The following IRGC variants were observed in gnomAD, a reference collection of about 807,000 sequenced individuals.
IRGC encodes immunity related GTPase cinema.
IRGC carries 4 observed loss-of-function variants against 16.1 expected under a neutral mutation model. The ratio of observed to expected loss-of-function variants is 0.25; its 90% CI spans 0.12 to 0.57. The LOEUF (loss-of-function observed/expected upper bound fraction) is 0.57. Ranked by LOEUF, IRGC falls within the 20% of genes least tolerant of loss-of-function variation. IRGC has a pLI of 0.92. For missense variants in IRGC, 570 were observed against 643.9 expected, an observed-to-expected ratio of 0.89 and a Z score of 1.24; for synonymous variants, 307 against 299.5, an observed-to-expected ratio of 1.03 and a Z score of -0.26.
rs1968246254 is a variant in IRGC at position 43,719,858 on chromosome 19, G to A, written c.1300G>A (p.Glu434Lys). The A allele has an allele frequency of 6.2e-7, 1 of 1,613,962 alleles. No individual in the cohort carries two copies. The change falls in exon 2 of 2, where the codon GAG (glutamate) becomes AAG (lysine). Residue 434 changes from glutamate to lysine, a missense_variant. Transcript: ENST00000244314. The part of the protein sequence containing the change: ...EKGGSGEGGG[E>K]EAPLSTCRKL... Reference sequence around the variant, plus strand: ...GGGGGGCTCCGGGGAGGGAGGTGGGGAGGAAGCCCCACTCTCAACCTGCAG... The same window carrying A: ...GGGGGGCTCCGGGGAGGGAGGTGGGAAGGAAGCCCCACTCTCAACCTGCAG...
At position 43,719,425 on chromosome 19, in the gene IRGC, CG is replaced by C; in HGVS notation, c.868del (p.Asp290MetfsTer190). On this transcript the variant is annotated frameshift_variant, in exon 2 of 2. Transcript: ENST00000244314. LOFTEE classifies it high-confidence loss of function. The stretch of plus-strand genomic sequence containing the variant: ...CGGTCCCAGGGCTGGCGGCCGCCTA[CG>C]ATGATGCGTTGCTCATCCACTCACT... Reference protein sequence around the residue: ...LPVPGLAAAYDDALLIHSLRG... With the variant: ...LPVPGLAAAYXDALLIHSLRG... The C allele has an allele frequency of 6.2e-7, 1 of 1,605,090 alleles. No homozygotes were observed. The highest frequency in any genetic ancestry group is 8.5e-7 in the Non-Finnish European group (1 of 1,174,938).
Position 43,719,956 on chromosome 19 carries a change from G to T in IRGC, c.*6G>T, listed in dbSNP as rs779620589. ...ACGACTCAGAAGAGAAATAAAGAGTGCAGCCCCGCCCCCCTGCCTCACCCA... is the reference window on the plus strand; with the variant it reads ...ACGACTCAGAAGAGAAATAAAGAGTTCAGCCCCGCCCCCCTGCCTCACCCA... On this transcript the variant is annotated 3_prime_UTR_variant, in exon 2 of 2. Transcript: ENST00000244314. The T allele has an allele frequency of 2.5e-6, 4 of 1,612,200 alleles. No individual in the cohort carries two copies. Among genetic ancestry groups the T allele is most frequent in the Non-Finnish European group, 3.4e-6 (4 of 1,179,970 alleles).
rs757734328 is a variant in IRGC at position 43,718,960 on chromosome 19, T to C, written c.402T>C (p.Tyr134=). 1.1e-5 allele frequency: 17 copies of C among 1,611,034 alleles called. No individual in the cohort carries two copies. The African/African-American group carries it at 1.9e-4, about 18-fold the overall frequency. The change falls in exon 2 of 2, where the codon TAT becomes TAC. Residue 134 remains tyrosine, a synonymous_variant. Transcript: ENST00000244314. The part of the protein sequence containing the change: ...KYLKQVDFSR[Y]DFFLLVSPRR... ...TAAAGCAGGTAGACTTCAGCCGCTA[T>C]GACTTCTTCCTGCTGGTCTCCCCCC...
In IRGC at chr19:43,718,777, C is replaced by A. The variant is rs199679874; in HGVS notation, c.219C>A (p.Ala73=). The change falls in exon 2 of 2, where the codon GCC becomes GCA. Residue 73 remains alanine (A), a synonymous_variant. Transcript: ENST00000244314. The part of the protein sequence containing the change: ...SGAGKSSLIN[A]LRGLEAEDPG... Reference sequence around the variant, plus strand: ...CGGGCAAGTCCTCCCTCATCAATGCCCTGCGTGGCCTGGAGGCCGAGGACC... The same window carrying A: ...CGGGCAAGTCCTCCCTCATCAATGCACTGCGTGGCCTGGAGGCCGAGGACC... The A allele has an allele frequency of 3.3e-5, 54 of 1,612,920 alleles. No homozygotes were observed. Among genetic ancestry groups the A allele is most frequent in the Non-Finnish European group, 4.6e-5 (54 of 1,179,928 alleles).
In IRGC at chr19:43,719,770, G is replaced by T; in HGVS notation, c.1212G>T (p.Leu404=). The change falls in exon 2 of 2, where the codon CTG becomes CTT. Residue 404 remains leucine, a synonymous_variant. Transcript: ENST00000244314. ...EDAQRVRIKA[L]EDDEPQPEVS... ...CCCAGCGTGTCCGCATCAAGGCCCT[G>T]GAGGATGACGAGCCGCAGCCGGAGG... is the stretch of plus-strand genomic sequence containing the variant. The T allele has an allele frequency of 6.2e-7, 1 of 1,613,876 alleles. No individual in the cohort carries two copies.
In IRGC at chr19:43,719,659, GT is replaced by G. The variant is rs945160098; in HGVS notation, c.1104del (p.Phe368LeufsTer112). ...ARAFERGIPVFGTLVAGGISF... is the reference protein window; with the variant it reads ...ARAFERGIPVXGTLVAGGISF... The stretch of plus-strand genomic sequence containing the variant: ...GCGCCTTTGAGAGGGGCATCCCTGT[GT>G]TTGGGACGCTGGTGGCTGGCGGCAT... On this transcript the variant is annotated frameshift_variant, in exon 2 of 2. Coordinates refer to ENST00000244314, the MANE Select transcript of IRGC (RefSeq NM_019612.4). LOFTEE classifies it high-confidence loss of function. 6.2e-7 allele frequency: 1 copy of G among 1,608,774 alleles called. No homozygotes were observed. Among genetic ancestry groups the G allele is most frequent in the African/African-American group, 1.3e-5 (1 of 74,960 alleles).
chr19:43,718,582 G>A lies in IRGC; in HGVS notation c.24G>A (p.Val8=), dbSNP rs781052298. The A allele has an allele frequency of 6.3e-7, 1 of 1,585,376 alleles. No homozygotes were observed. Among genetic ancestry groups the A allele is most frequent in the Non-Finnish European group, 8.6e-7 (1 of 1,163,440 alleles). The part of the protein sequence containing the change: MATSKLP[V]VPGEEENTIL... ...CCATGGCTACTTCAAAGTTGCCCGT[G>A]GTGCCTGGGGAGGAGGAAAACACCA... is the stretch of plus-strand genomic sequence containing the variant. The change falls in exon 2 of 2, where the codon GTG becomes GTA. Residue 8 remains valine (V), a synonymous_variant. Transcript: ENST00000244314.
Position 43,719,294 on chromosome 19 carries a change from C to T in IRGC, c.736C>T (p.Leu246=). ...CTCCCACCGGCGCCACGCTGGCCTG[C>T]TGTCGCTCCCCGACATCTCGCTGGA... ...LPSHRRHAGL[L]SLPDISLEAL... The change falls in exon 2 of 2, where the codon CTG becomes TTG. Residue 246 remains leucine, a synonymous_variant. Transcript: ENST00000244314. 1.2e-6 allele frequency: 2 copies of T among 1,609,162 alleles called. No homozygotes were observed. The highest frequency in any genetic ancestry group is 1.7e-6 in the Non-Finnish European group (2 of 1,177,196).
intron 1 of IRGC, among the ~76,000 whole-genome samples, 161 bp downstream of exon 1, chr19:43,716,303 A>C (rs1418606140): frequency 6.6e-6 from 1 of 151,674 alleles, no homozygotes; most frequent in Non-Finnish European, 1.5e-5. Flanking sequence ...CGCAGACCAT[A>C]CTAGGGAGAG....
rs1282937331 is a variant in IRGC, at chr19:43,719,831, A to C, written c.1273A>C (p.Lys425Gln). 1.2e-6 allele frequency: 2 copies of C among 1,613,890 alleles called. No homozygotes were observed. ...AGTGGCCAGTGACAATGGCGTGGAA[A>C]AGGGGGGCTCCGGGGAGGGAGGTGG... ...LEVASDNGVE[K>Q]GGSGEGGGEE... is the part of the protein sequence containing the mutation. Residue 425 changes from lysine to glutamine, a missense_variant, in exon 2 of 2, where the codon AAG becomes CAG. Physicochemically the swap from Lys to Gln is moderately conservative, Grantham distance 53. Coordinates refer to ENST00000244314, the MANE Select transcript of IRGC (RefSeq NM_019612.4).
Position 43,719,234 on chromosome 19 carries a change from C to G in IRGC, c.676C>G (p.Pro226Ala), listed in dbSNP as rs1041254422. The change falls in exon 2 of 2, where the codon CCC (proline) becomes GCC (alanine). Residue 226 changes from proline (P) to alanine (A), a missense_variant. Transcript: ENST00000244314. The stretch of plus-strand genomic sequence containing the variant: ...CCTCTCGCCGGCCCGCTACGACTTT[C>G]CCACGCTGGTGTCCACCTGGGAGCA... ...SNLSPARYDF[P>A]TLVSTWEHDL... is the part of the protein sequence containing the mutation. 1 of 1,609,844 alleles carries G rather than the reference C, an allele frequency of 6.2e-7. No homozygotes were observed. Among genetic ancestry groups the G allele is most frequent in the African/African-American group, 1.3e-5 (1 of 74,936 alleles).
At position 43,718,940 on chromosome 19, in the gene IRGC, C is replaced by T. The variant is rs1464658978; in HGVS notation, c.382C>T (p.Gln128Ter). 6.2e-7 allele frequency: 1 copy of T among 1,612,240 alleles called. No individual in the cohort carries two copies. The highest frequency in any genetic ancestry group is 1.1e-5 in the South Asian group (1 of 90,950). ...PGCPADKYLK[Q>*]VDFSRYDFFL... ...CTGCCCGGCTGACAAGTACCTAAAG[C>T]AGGTAGACTTCAGCCGCTATGACTT... The change falls in exon 2 of 2, where the codon CAG becomes TAG. Residue 128 changes from glutamine to a stop codon, truncating the protein, a stop_gained. Coordinates refer to ENST00000244314, the MANE Select transcript of IRGC (RefSeq NM_019612.4). LOFTEE classifies it high-confidence loss of function.
rs142068323 is a variant in IRGC at position 43,719,891 on chromosome 19, G to T, written c.1333G>T (p.Gly445Cys). ...EAPLSTCRKL[G>C]LLLKYILDSW... ...CCCACTCTCAACCTGCAGGAAGCTC[G>T]GCCTCCTTCTTAAGTACATTCTGGA... is the stretch of plus-strand genomic sequence containing the variant. The change falls in exon 2 of 2, where the codon GGC (glycine) becomes TGC (cysteine). Residue 445 changes from glycine (G) to cysteine (C), a missense_variant. Transcript: ENST00000244314. 1.2e-6 allele frequency: 2 copies of T among 1,613,852 alleles called. No homozygotes were observed. Among genetic ancestry groups the T allele is most frequent in the Non-Finnish European group, 1.7e-6 (2 of 1,180,030 alleles).
Position 43,718,983 on chromosome 19 carries a change from C to G in IRGC, c.425C>G (p.Pro142Arg). The G allele has an allele frequency of 6.2e-7, 1 of 1,610,268 alleles. No individual in the cohort carries two copies. Among genetic ancestry groups the G allele is most frequent in the Non-Finnish European group, 8.5e-7 (1 of 1,178,808 alleles). The change falls in exon 2 of 2, where the codon CCC becomes CGC. Residue 142 changes from proline (P) to arginine (R), a missense_variant. Coordinates refer to ENST00000244314, the MANE Select transcript of IRGC (RefSeq NM_019612.4). The stretch of plus-strand genomic sequence containing the variant: ...TATGACTTCTTCCTGCTGGTCTCCC[C>G]CCGCCGCTGCGGGGCCGTCGAGACC... ...SRYDFFLLVS[P>R]RRCGAVETRL...
chr19:43,718,102 G>C (rs1307725570), intron 1 of IRGC, among the ~76,000 whole-genome samples: 1 of 152,066 alleles, frequency 6.6e-6, no homozygotes, highest in Non-Finnish European at 1.5e-5. Flanking sequence ...ATTTCAGCTA[G>C]TGTCAGCAGA....
Position 43,719,368 on chromosome 19 carries a change from C to G in IRGC, c.810C>G (p.Thr270=). The change falls in exon 2 of 2, where the codon ACC becomes ACG. Residue 270 remains threonine (T), a synonymous_variant. Transcript: ENST00000244314. Reference sequence around the variant, plus strand: ...TGCTTCAAGAGCAAGTCCTCAAGACCGCCCTGGTGTTGGGCGTCATCCAGG... The same window carrying G: ...TGCTTCAAGAGCAAGTCCTCAAGACGGCCCTGGTGTTGGGCGTCATCCAGG... ...KAMLQEQVLK[T]ALVLGVIQAL... is the part of the protein sequence containing the mutation. The G allele has an allele frequency of 1.2e-6, 2 of 1,612,034 alleles. No homozygotes were observed. The highest frequency in any genetic ancestry group is 8.5e-7 in the Non-Finnish European group (1 of 1,178,900).
rs187509627 is a variant in IRGC at position 43,719,491 on chromosome 19, G to T, written c.933G>T (p.Ser311=). 1 of 1,603,152 alleles carries T rather than the reference G, an allele frequency of 6.2e-7. No individual in the cohort carries two copies. Among genetic ancestry groups the T allele is most frequent in the South Asian group, 1.1e-5 (1 of 90,936 alleles). ...GCAGCTTTGGTCTGGACGACGACTC[G>T]CTGGCCAAGCTGGCCGAGCAGGTGG... ...YHRSFGLDDD[S]LAKLAEQVGK... Residue 311 remains serine (S), a synonymous_variant, in exon 2 of 2, where the codon TCG becomes TCT. Transcript: ENST00000244314.
In IRGC at chr19:43,719,649, G is replaced by T; in HGVS notation, c.1091G>T (p.Gly364Val). 1 of 1,607,700 alleles carries T rather than the reference G, an allele frequency of 6.2e-7. No homozygotes were observed. Among genetic ancestry groups the T allele is most frequent in the Non-Finnish European group, 8.5e-7 (1 of 1,179,946 alleles). ...AMRVARAFER[G>V]IPVFGTLVAG... is the part of the protein sequence containing the mutation. Reference sequence around the variant, plus strand: ...CGGGTGGCCCGCGCCTTTGAGAGGGGCATCCCTGTGTTTGGGACGCTGGTG... The same window carrying T: ...CGGGTGGCCCGCGCCTTTGAGAGGGTCATCCCTGTGTTTGGGACGCTGGTG... The change falls in exon 2 of 2, where the codon GGC becomes GTC. Residue 364 changes from glycine (G) to valine (V), a missense_variant. Coordinates refer to ENST00000244314, the MANE Select transcript of IRGC (RefSeq NM_019612.4).
Position 43,719,314 on chromosome 19 carries a change from G to A in IRGC, c.756G>A (p.Ser252=). Residue 252 remains serine (S), a synonymous_variant, in exon 2 of 2, where the codon TCG becomes TCA. Coordinates refer to ENST00000244314, the MANE Select transcript of IRGC (RefSeq NM_019612.4). The part of the protein sequence containing the change: ...HAGLLSLPDI[S]LEALQKKKAM... ...GCCTGCTGTCGCTCCCCGACATCTC[G>A]CTGGAGGCCTTGCAGAAGAAGAAGG... 6.2e-7 allele frequency: 1 copy of A among 1,610,648 alleles called. No homozygotes were observed. Among genetic ancestry groups the A allele is most frequent in the Non-Finnish European group, 8.5e-7 (1 of 1,178,028 alleles).
Sources: gnomAD v4.1 joint callset for allele counts (sites outside exome capture counted in the v4.1 genomes callset) on GRCh38, gnomAD v4.1.1 for gene constraint, MANE v1.5 for transcripts, NCBI Gene and HGNC (gene_info 2026-07-23, HGNC 2026-07-21) for gene names.